The following GNA14 variants were observed in gnomAD, a reference collection of about 807,000 sequenced individuals.
The protein encoded by GNA14 is guanine nucleotide-binding protein subunit alpha-14.
A neutral mutation model predicts 42.0 loss-of-function variants in GNA14; 50 were observed. The ratio of observed to expected loss-of-function variants is 1.19; its 90% confidence interval spans 0.95 to 1.51. The LOEUF is 1.51. Among genes scored for constraint, GNA14 ranks in the 40% most tolerant of loss-of-function variants. The pLI is 0.00. For missense variants in GNA14, 473 were observed against 446.2 expected (o/e 1.06, Z -0.54); for synonymous variants, 173 against 163.1 (o/e 1.06, Z -0.46).
intron 4 of GNA14, 126 bp from the exon 5 acceptor site, chr9:77,429,162 G>A: frequency 1.2e-6 from 1 of 866,806 alleles, no homozygotes; most frequent in South Asian, 1.7e-5. Context: ...AGAGAAAAGA[G>A]GTTCTAAGTT....
At chr9:77,470,755 A>C (rs1836316266) in intron 2 of GNA14, among the ~76,000 whole-genome samples, 1 of 152,168 alleles carries the variant, frequency 6.6e-6, no homozygotes, top group South Asian at 2.1e-4. Flanking sequence ...GCTGTACAAG[A>C]AGCATGGCTG....
At chr9:77,528,133 C>T (rs1379338932) in intron 2 of GNA14, among the ~76,000 whole-genome samples, 3 of 152,014 alleles carry the variant, frequency 2.0e-5, no homozygotes, top group Admixed American at 6.6e-5. Context: ...TGCTTTAAAA[C>T]TTTTTTTAAT....
intron 2 of GNA14, among the ~76,000 whole-genome samples, chr9:77,479,614 A>T (rs1009273294): frequency 1.3e-5 from 2 of 152,138 alleles, no homozygotes; most frequent in Non-Finnish European, 2.9e-5. Flanking sequence ...TACCTTGGGC[A>T]GTATGGCCAT....
Position 77,423,925 on chromosome 9 carries a change from C to A in GNA14, c.*54G>T. 1 of 1,312,164 alleles carries A rather than the reference C, an allele frequency of 7.6e-7. No homozygotes were observed. The highest frequency in any genetic ancestry group is 2.4e-5 in the East Asian group (1 of 41,260). 81.3% of individuals were successfully genotyped at this position (1,312,164 alleles called of 1,614,324 possible). ...ATGTCAGAAGCACTTGCAAATAAAA[C>A]AAGGAGTTTGCAAATCACATCTTCT... is the stretch of plus-strand genomic sequence containing the variant. On this transcript the variant is annotated 3_prime_UTR_variant, in exon 7 of 7. Coordinates refer to ENST00000341700, the MANE Select transcript of GNA14 (RefSeq NM_004297.4).
At chr9:77,569,408 T>C (rs1169686646) in intron 1 of GNA14, among the ~76,000 whole-genome samples, 3 of 152,138 alleles carry the variant, frequency 2.0e-5, no homozygotes, top group African/African-American at 7.2e-5. Context: ...GCTACTCCTC[T>C]CCAGTGCTGG....
At chr9:77,617,635 C>G (rs577586440) in intron 1 of GNA14, among the ~76,000 whole-genome samples, 2 of 152,176 alleles carry the variant, frequency 1.3e-5, no homozygotes, top group South Asian at 4.1e-4. Flanking sequence ...CCACGCCAAT[C>G]ATGACTCTTC....
At chr9:77,564,570 T>C (rs1822937144) in intron 1 of GNA14, among the ~76,000 whole-genome samples, 2 of 152,186 alleles carry the variant, frequency 1.3e-5, no homozygotes, top group Non-Finnish European at 2.9e-5. Context: ...GGCTCATGCT[T>C]GGAGTCCCAG....
chr9:77,603,954 A>C (rs1823609379), intron 1 of GNA14, among the ~76,000 whole-genome samples: 1 of 138,836 alleles, frequency 7.2e-6, no homozygotes, highest in African/African-American at 2.9e-5. Context: ...AAAAAAAAAA[A>C]ACAAAAAAAA....
intron 1 of GNA14, among the ~76,000 whole-genome samples, chr9:77,586,765 T>C (rs191722320): frequency 2.0e-5 from 3 of 152,282 alleles, no homozygotes; most frequent in African/African-American, 7.2e-5. Flanking sequence ...CCTAACCTTT[T>C]ATTATGCAGA....
intron 1 of GNA14, among the ~76,000 whole-genome samples, chr9:77,560,267 A>T (rs1822859129): frequency 6.6e-6 from 1 of 150,504 alleles, no homozygotes; most frequent in Non-Finnish European, 1.5e-5. Context: ...AGTTTAATTA[A>T]TTTTTTTTCC....
rs192445704 is a variant in GNA14 at position 77,482,874 on chromosome 9, C to T, written c.309+46195G>A. 6.9e-3 allele frequency among the ~76,000 whole-genome samples: 1,052 copies of T among 152,302 alleles called. 11 individuals carry two copies. Among genetic ancestry groups the T allele is most frequent in the African/African-American group, 0.023 (963 of 41,556 alleles). On this transcript the variant is annotated intron_variant, in intron 2 of 6. Coordinates refer to ENST00000341700, the MANE Select transcript of GNA14 (RefSeq NM_004297.4). ...GCTCCTGAGGCTTCTGCATCCTTCA[C>T]GTCGTTCTTGAGCCTTGGCTTTCAG...
chr9:77,562,629 T>C (rs1462016006), intron 1 of GNA14, among the ~76,000 whole-genome samples: 1 of 152,190 alleles, frequency 6.6e-6, no homozygotes, highest in Non-Finnish European at 1.5e-5. Context: ...GGAAAGCACC[T>C]ATTAGTTACT....
At chr9:77,576,268 G>A (rs190115701) in intron 1 of GNA14, among the ~76,000 whole-genome samples, 2 of 152,186 alleles carry the variant, frequency 1.3e-5, no homozygotes, top group Admixed American at 6.5e-5. Context: ...TCCAGTGATC[G>A]GATAGGGCAA....
intron 1 of GNA14, among the ~76,000 whole-genome samples, chr9:77,645,947 GC>G (rs1465258389): frequency 1.3e-5 from 2 of 152,148 alleles, no homozygotes; most frequent in African/African-American, 4.8e-5. Context: ...AAAGTACAAA[GC>G]CCCGCACCCA....
At chr9:77,426,732 T>C (rs896807848) in intron 5 of GNA14, among the ~76,000 whole-genome samples, 2 of 152,240 alleles carry the variant, frequency 1.3e-5, no homozygotes, top group Non-Finnish European at 2.9e-5. Context: ...GCTCCTAATT[T>C]ACTGAGAACA....
chr9:77,513,719 C>G (rs10453253), intron 2 of GNA14, among the ~76,000 whole-genome samples: 10,014 of 152,282 alleles, frequency 0.066, 375 homozygotes, highest in East Asian at 0.15. Flanking sequence ...CTGAGTCTTC[C>G]CGAACACATG....
rs144765951 is a variant in GNA14, at chr9:77,429,328, G to A, written c.594-292C>T. On this transcript the variant is annotated intron_variant, in intron 4 of 6. Transcript: ENST00000341700. ...GCTAACCAGTGTCCAGACAGAAAAC[G>A]CAAACGTTCACTTGGGTTCTGTGAC... is the stretch of plus-strand genomic sequence containing the variant. Among the ~76,000 whole-genome samples, 198 of 152,228 alleles carry A rather than the reference G, an allele frequency of 1.3e-3. 1 individual carries two copies. Among genetic ancestry groups the A allele is most frequent in the African/African-American group, 4.6e-3 (190 of 41,528 alleles).
chr9:77,603,117 A>T (rs546585178), intron 1 of GNA14, among the ~76,000 whole-genome samples: 1 of 152,358 alleles, frequency 6.6e-6, no homozygotes, highest in South Asian at 2.1e-4. Context: ...GGCTGGCTCA[A>T]AATGATGACT....
At chr9:77,533,504 T>G (rs1434642011) in intron 1 of GNA14, among the ~76,000 whole-genome samples, 1 of 152,220 alleles carries the variant, frequency 6.6e-6, no homozygotes, top group Non-Finnish European at 1.5e-5. Context: ...TTTGAGATAG[T>G]TGCTCACCAT....
Sources: gnomAD v4.1 joint callset for allele counts (sites outside exome capture counted in the v4.1 genomes callset) on GRCh38, gnomAD v4.1.1 for gene constraint, MANE v1.5 for transcripts, NCBI Gene and HGNC (gene_info 2026-07-23, HGNC 2026-07-21) for gene names.